Variants in PCDH15 observed in about 807,000 individuals in gnomAD.
PCDH15 encodes protocadherin-15.
Under a neutral mutation model 178.5 loss-of-function variants are expected in PCDH15, and 129 were observed. The observed-to-expected ratio is 0.72, with a 90% confidence interval of 0.63 to 0.84. The LOEUF is 0.84. PCDH15 is among the 40% of genes least tolerant of loss of function. PCDH15 has a pLI of 0.00. For missense variants in PCDH15, 2,230 were observed against 2,099.9 expected, an observed-to-expected ratio of 1.06 and a Z score of -1.21; for synonymous variants, 800 against 732.0, an observed-to-expected ratio of 1.09 and a Z score of -1.50.
chr10:55,506,055 G>T (rs1474835133), intron 2 of PCDH15, among the ~76,000 whole-genome samples: 1 of 151,388 alleles, frequency 6.6e-6, no homozygotes, highest in Non-Finnish European at 1.5e-5. Flanking sequence ...TAGCATGAAA[G>T]ACTTTAAACA....
In PCDH15 at chr10:54,904,534, A is replaced by G. The variant is rs540091874; in HGVS notation, c.-79-7034T>C. Among the ~76,000 whole-genome samples the G allele has an allele frequency of 4.6e-5, 7 of 152,154 alleles. No individual in the cohort carries two copies. In the East Asian group the frequency reaches 1.4e-3, roughly 29 times the overall value. ...AAGATGACAAAATACTTTCATAACT[A>G]TTTCAGTTATAGCTTCTACTAAGTT... On this transcript the variant is annotated intron_variant, in intron 2 of 5. Coordinates refer to the PCDH15 transcript ENST00000458638.
chr10:54,677,130 G>T (rs956736661), intron 1 of PCDH15, among the ~76,000 whole-genome samples: 2 of 152,110 alleles, frequency 1.3e-5, no homozygotes, highest in African/African-American at 4.8e-5. Context: ...CTAGCACTTT[G>T]GGAGGTCAAC....
intron 21 of PCDH15, among the ~76,000 whole-genome samples, chr10:53,994,175 A>C (rs1246729297): frequency 6.6e-6 from 1 of 152,204 alleles, no homozygotes; most frequent in African/African-American, 2.4e-5. Flanking sequence ...ATGCCAAGCC[A>C]GGCACCACAG....
intron 3 of PCDH15, among the ~76,000 whole-genome samples, chr10:54,503,223 A>ATGTGTGTGTGTGTG (rs1318349172): frequency 1.1e-5 from 1 of 94,682 alleles, no homozygotes; most frequent in African/African-American, 4.0e-5. Context: ...ATATACATAT[A>ATGTGTGTGTGTGTG]TATGTGTGTG....
chr10:55,459,828 T>G (rs1213505043), intron 2 of PCDH15, among the ~76,000 whole-genome samples: 3 of 152,054 alleles, frequency 2.0e-5, no homozygotes, highest in Non-Finnish European at 4.4e-5. Flanking sequence ...CATATTTATT[T>G]TGGTGCACTG....
chr10:54,958,408 A>C (rs1838548913), intron 2 of PCDH15, among the ~76,000 whole-genome samples: 1 of 151,906 alleles, frequency 6.6e-6, no homozygotes, highest in Non-Finnish European at 1.5e-5. Flanking sequence ...AAATGCATTC[A>C]AAGTCACTTT....
At chr10:54,458,576 G>A (rs902118693) in intron 3 of PCDH15, among the ~76,000 whole-genome samples, 1 of 151,868 alleles carries the variant, frequency 6.6e-6, no homozygotes, top group African/African-American at 2.4e-5. Flanking sequence ...TGTGATGCTT[G>A]CAGGGTGAAT....
chr10:53,882,886 T>G (rs1472613894), intron 26 of PCDH15, among the ~76,000 whole-genome samples: 4 of 152,182 alleles, frequency 2.6e-5, no homozygotes, highest in African/African-American at 4.8e-5. Context: ...TTATAATGTG[T>G]TTAATATATA....
rs73254018 is a variant in PCDH15 at position 54,829,889 on chromosome 10, A to G, written c.-29+67561T>C. Among the ~76,000 whole-genome samples, 561 of 152,242 alleles carry G rather than the reference A, an allele frequency of 3.7e-3. 1 individual carries two copies. Among genetic ancestry groups the G allele is most frequent in the African/African-American group, 0.013 (539 of 41,572 alleles). ...TTTTGTTGTTATGCACTATCACATC[A>G]ATGAATGGAGTACACCTATAAATAT... On this transcript the variant is annotated intron_variant, in intron 3 of 5. Coordinates refer to the PCDH15 transcript ENST00000458638.
In PCDH15 at chr10:54,346,536, C is replaced by T. The variant is rs763352668; in HGVS notation, c.475-52G>A. 4.4e-6 allele frequency: 7 copies of T among 1,601,260 alleles called. No homozygotes were observed. The African/African-American group carries it at 9.4e-5, about 21-fold the overall frequency. On this transcript the variant is annotated intron_variant, in intron 5 of 37. Transcript: ENST00000644397. Reference sequence around the variant, plus strand: ...CAATTTTCATTTTATCAACTGCACACCAGAAATGTTACAGCATAAAAATCA... The same window carrying T: ...CAATTTTCATTTTATCAACTGCACATCAGAAATGTTACAGCATAAAAATCA...
At chr10:55,212,549 T>C (rs1490487241) in intron 1 of PCDH15, among the ~76,000 whole-genome samples, 3 of 152,028 alleles carry the variant, frequency 2.0e-5, no homozygotes, top group Non-Finnish European at 4.4e-5. Context: ...TAATCAGGAA[T>C]GATAATTTAA....
intron 2 of PCDH15, among the ~76,000 whole-genome samples, chr10:55,064,248 T>A (rs180894503): frequency 2.2e-3 from 340 of 152,296 alleles, no homozygotes; most frequent in Non-Finnish European, 4.0e-3. Context: ...ACTAGCACTA[T>A]AATTACTACC....
chr10:54,626,027 A>C (rs552400918), intron 2 of PCDH15, among the ~76,000 whole-genome samples: 1 of 152,284 alleles, frequency 6.6e-6, no homozygotes, highest in Non-Finnish European at 1.5e-5. Context: ...GTTTTAGCAA[A>C]GAGACTGGCA....
chr10:55,488,835 C>A (rs898170829), intron 2 of PCDH15, among the ~76,000 whole-genome samples: 1 of 151,344 alleles, frequency 6.6e-6, no homozygotes, highest in Non-Finnish European at 1.5e-5. Flanking sequence ...GCATTTACAG[C>A]CTAAAAAGTT....
chr10:53,810,050 A>G (rs1050279890), intron 37 of PCDH15, among the ~76,000 whole-genome samples: 1 of 152,208 alleles, frequency 6.6e-6, no homozygotes, highest in Non-Finnish European at 1.5e-5. Context: ...AAATTTGCCA[A>G]GTAAATAGTG....
intron 17 of PCDH15, among the ~76,000 whole-genome samples, chr10:54,069,618 G>A (rs1007251104): frequency 6.6e-6 from 1 of 152,066 alleles, no homozygotes; most frequent in African/African-American, 2.4e-5. Flanking sequence ...GTAAAAATGA[G>A]GATTTCAGGG....
chr10:55,192,244 T>C (rs1467076359), intron 1 of PCDH15, among the ~76,000 whole-genome samples: 1 of 151,684 alleles, frequency 6.6e-6, no homozygotes, highest in Non-Finnish European at 1.5e-5. Flanking sequence ...GTCTCTTCCA[T>C]AACCAAAACC....
chr10:55,100,873 G>T (rs1842560321), intron 2 of PCDH15, among the ~76,000 whole-genome samples: 1 of 152,076 alleles, frequency 6.6e-6, no homozygotes, highest in Non-Finnish European at 1.5e-5. Context: ...AAGGTAGTAG[G>T]AAATCAAGAT....
At chr10:55,092,268 C>A (rs898181943) in intron 2 of PCDH15, among the ~76,000 whole-genome samples, 2 of 151,790 alleles carry the variant, frequency 1.3e-5, no homozygotes, top group African/African-American at 4.8e-5. Flanking sequence ...GCACTTGAAA[C>A]AACCAAAAGC....
Sources: gnomAD v4.1 joint callset for allele counts (sites outside exome capture counted in the v4.1 genomes callset) on GRCh38, gnomAD v4.1.1 for gene constraint, MANE v1.5 for transcripts, NCBI Gene and HGNC (gene_info 2026-07-23, HGNC 2026-07-21) for gene names.